The following ZNF512 variants were observed in gnomAD, a reference collection of about 807,000 sequenced individuals.
The protein encoded by ZNF512 is zinc finger protein 512.
A neutral mutation model predicts 77.5 loss-of-function variants in ZNF512; 25 were observed. That is an observed-to-expected ratio of 0.32 (90% CI 0.23 to 0.45). The LOEUF is 0.45. ZNF512 is among the 20% of genes least tolerant of loss of function. The pLI is 1.00. For synonymous variants in ZNF512, 246 were observed against 239.9 expected, an observed-to-expected ratio of 1.03 and a Z score of -0.24; for missense variants, 483 against 692.6, an observed-to-expected ratio of 0.70 and a Z score of 3.40.
intron 2 of ZNF512, among the ~76,000 whole-genome samples, chr2:27,593,939 C>T (rs1184972364): frequency 2.0e-5 from 3 of 152,220 alleles, no homozygotes; most frequent in African/African-American, 7.2e-5. Context: ...TCTTTCTACA[C>T]AGACACAGTA....
Position 27,608,022 on chromosome 2 carries a change from G to A in ZNF512, c.1114G>A (p.Val372Ile). Residue 372 changes from valine (V) to isoleucine (I), a missense_variant, in exon 10 of 14, where the codon GTA becomes ATA. Coordinates refer to ENST00000355467, the MANE Select transcript of ZNF512 (RefSeq NM_032434.4). The stretch of plus-strand genomic sequence containing the variant: ...CAAGAGGAAGGTGCTTCAGGACCTG[G>A]TACCTGATGATCGAAAGGTAAGGCA... ...WPKRKVLQDL[V>I]PDDRKLKYTR... The A allele has an allele frequency of 6.3e-7, 1 of 1,576,828 alleles. No individual in the cohort carries two copies. The highest frequency in any genetic ancestry group is 8.6e-7 in the Non-Finnish European group (1 of 1,165,172).
rs753787729 is a variant in ZNF512 at position 27,598,182 on chromosome 2, G to T, written c.205G>T (p.Ala69Ser). 3 of 1,614,104 alleles carry T rather than the reference G, an allele frequency of 1.9e-6. No individual in the cohort carries two copies. Among genetic ancestry groups the T allele is most frequent in the African/African-American group, 1.3e-5 (1 of 75,016 alleles). ...SSCEPVSDFP[A>S]SFRKSTYWMK... ...GTGTGAACCAGTGAGTGATTTTCCA[G>T]CATCTTTCCGAAAATCTACCTACTG... The change falls in exon 3 of 14, where the codon GCA becomes TCA. Residue 69 changes from alanine (A) to serine (S), a missense_variant. By Grantham distance (99) the Ala-to-Ser change is moderately conservative. Around this residue, in one of 2 missense-constraint regions of ZNF512, gnomAD observed 159 missense variants for 167.5 expected, o/e 0.95. Coordinates refer to ENST00000355467, the MANE Select transcript of ZNF512 (RefSeq NM_032434.4).
At chr2:27,601,658 T>TGTTTG (rs1416835378) in intron 7 of ZNF512, among the ~76,000 whole-genome samples, 8 of 151,908 alleles carry the variant, frequency 5.3e-5, no homozygotes, top group Non-Finnish European at 1.2e-4. Context: ...TGTTTTGTTT[T>TGTTTG]GTTTTTTGAG....
At chr2:27,589,509 G>A (rs189299114) in intron 2 of ZNF512, among the ~76,000 whole-genome samples, 1 of 152,182 alleles carries the variant, frequency 6.6e-6, no homozygotes, top group East Asian at 1.9e-4. Context: ...TCTAGCTACA[G>A]GGTTGTCAAT....
intron 4 of ZNF512, 73 bp downstream of exon 4, chr2:27,599,751 AAGCCTTAGTTTG>A: frequency 1.4e-6 from 2 of 1,448,904 alleles, no homozygotes; most frequent in Non-Finnish European, 1.9e-6. Flanking sequence ...AAGGAAAGAG[AAGCCTTAGTTTG>A]AGCCCTTCAG....
intron 10 of ZNF512, among the ~76,000 whole-genome samples, chr2:27,614,068 A>G (rs1015281809): frequency 1.3e-5 from 2 of 152,154 alleles, no homozygotes; most frequent in African/African-American, 4.8e-5. Context: ...TGTGTACCCT[A>G]TTCTTTTATA....
In ZNF512 at chr2:27,621,504, T is replaced by A; in HGVS notation, c.*43T>A. 6.4e-7 allele frequency: 1 copy of A among 1,551,784 alleles called. No individual in the cohort carries two copies. The highest frequency in any genetic ancestry group is 8.7e-7 in the Non-Finnish European group (1 of 1,154,366). ...GCTCCTAGGAAAGCAGATGTGATGCTGTTGTCACGGGGACCTGTGCTGGGA... is the reference window on the plus strand; with the variant it reads ...GCTCCTAGGAAAGCAGATGTGATGCAGTTGTCACGGGGACCTGTGCTGGGA... On this transcript the variant is annotated 3_prime_UTR_variant, in exon 14 of 14. Coordinates refer to ENST00000355467, the MANE Select transcript of ZNF512 (RefSeq NM_032434.4).
At chr2:27,586,337 C>A (rs1445176449) in intron 2 of ZNF512, among the ~76,000 whole-genome samples, 1 of 152,122 alleles carries the variant, frequency 6.6e-6, no homozygotes, top group Non-Finnish European at 1.5e-5. Context: ...TCAAGCAATT[C>A]TCCTGCCTCA....
At chr2:27,583,446 G>A in intron 1 of ZNF512, 1 of 1,447,880 alleles carries the variant, frequency 6.9e-7, no homozygotes, top group Non-Finnish European at 9.0e-7. Context: ...AGGGCTTTGA[G>A]AATGGGGGAA....
chr2:27,617,398 A>G (rs1572937313), intron 12 of ZNF512, 75 bp from the exon 13 acceptor site: 2 of 748,062 alleles, frequency 2.7e-6, no homozygotes, highest in East Asian at 2.5e-5. Context: ...TTTCATCTCT[A>G]ACAATCCCTA....
chr2:27,584,983 G>A (rs960977285), intron 2 of ZNF512, among the ~76,000 whole-genome samples: 1 of 152,180 alleles, frequency 6.6e-6, no homozygotes, highest in African/African-American at 2.4e-5. Flanking sequence ...AAGGGTACTG[G>A]GAAACTGGTT....
intron 2 of ZNF512, among the ~76,000 whole-genome samples, chr2:27,587,191 A>C (rs758455094): frequency 3.3e-5 from 5 of 151,644 alleles, no homozygotes; most frequent in Admixed American, 1.3e-4. Flanking sequence ...CCTACCAGCA[A>C]TGTATGAGTC....
intron 13 of ZNF512, among the ~76,000 whole-genome samples, chr2:27,620,891 T>G (rs1673091300): frequency 6.6e-6 from 1 of 152,090 alleles, no homozygotes; most frequent in Non-Finnish European, 1.5e-5. Flanking sequence ...GATATAAGAG[T>G]GGGATGATGC....
intron 12 of ZNF512, 115 bp from the exon 13 acceptor site, chr2:27,617,355 CCTT>C: frequency 3.1e-6 from 2 of 639,270 alleles, no homozygotes; most frequent in Admixed American, 2.7e-5. Flanking sequence ...GGATCTTTTT[CCTT>C]CTTATCTTTG....
intron 2 of ZNF512, among the ~76,000 whole-genome samples, chr2:27,593,333 T>G (rs1572908434): frequency 7.6e-6 from 1 of 132,348 alleles, no homozygotes; most frequent in Admixed American, 8.2e-5. Context: ...GCCTGGGAGG[T>G]GGAGGCTGTG....
chr2:27,597,027 T>G (rs571249247), intron 2 of ZNF512, among the ~76,000 whole-genome samples: 36 of 152,372 alleles, frequency 2.4e-4, no homozygotes, highest in African/African-American at 8.7e-4. Flanking sequence ...TACTTTTTAG[T>G]TATGGTCGTG....
intron 9 of ZNF512, among the ~76,000 whole-genome samples, chr2:27,606,764 T>G (rs1340968446): frequency 6.6e-6 from 1 of 152,222 alleles, no homozygotes; most frequent in Non-Finnish European, 1.5e-5. Flanking sequence ...GAAATCCAGT[T>G]ACAGGATGCT....
rs1673187940 is a variant in ZNF512 at position 27,623,066 on chromosome 2, T to TA, written c.*1605_*1606insA. 1 of 152,784 alleles carries TA rather than the reference T, an allele frequency of 6.5e-6. No individual in the cohort carries two copies. Among genetic ancestry groups the TA allele is most frequent in the Non-Finnish European group, 1.5e-5 (1 of 68,058 alleles). 9.5% of individuals were successfully genotyped at this position (152,784 alleles called of 1,614,324 possible). A position where few individuals can be genotyped will look rare whatever the true frequency, so the allele number is the denominator to read the frequency against. ...GTAAGACCTGGGGAATGTTTGGCAA[T>TA]GACAAAAGAAATAAATGACTCTCAG... On this transcript the variant is annotated 3_prime_UTR_variant, in exon 14 of 14. Transcript: ENST00000355467.
At chr2:27,598,551 C>T (rs1457492925) in intron 3 of ZNF512, among the ~76,000 whole-genome samples, 1 of 151,684 alleles carries the variant, frequency 6.6e-6, no homozygotes, top group Non-Finnish European at 1.5e-5. Flanking sequence ...ATGGCATGAA[C>T]CTGGGAGGCA....
Sources: allele counts gnomAD v4.1 joint callset (sites outside exome capture counted in the v4.1 genomes callset), GRCh38; gene constraint gnomAD v4.1.1; regional missense constraint gnomAD v4.1.1; transcripts MANE v1.5; gene names NCBI Gene and HGNC (gene_info 2026-07-23, HGNC 2026-07-21).